SUMF1: variants seen among roughly 807,000 people sequenced by gnomAD.
The protein encoded by SUMF1 is sulfatase modifying factor 1, also known as formylglycine-generating enzyme.
Under a neutral mutation model 47.6 loss-of-function variants are expected in SUMF1, and 48 were observed. The ratio of observed to expected loss-of-function variants is 1.01; its 90% CI spans 0.80 to 1.28. The LOEUF (loss-of-function observed/expected upper bound fraction) is 1.28, where lower values mean the gene tolerates loss of function less well. Ranked by LOEUF, SUMF1 falls within the 50% of genes most tolerant of loss-of-function variation. The pLI is 0.00. For missense variants in SUMF1, 571 were observed against 485.4 expected, an observed-to-expected ratio of 1.18 and a Z score of -1.66; for synonymous variants, 230 against 192.1, an observed-to-expected ratio of 1.20 and a Z score of -1.63.
At position 4,277,685 on chromosome 3, in the gene SUMF1, A is replaced by G. The variant is rs1697447166; in HGVS notation, c.1014+98645T>C. Among the ~76,000 whole-genome samples the G allele has an allele frequency of 2.0e-5, 3 of 152,242 alleles. No individual in the cohort carries two copies. The South Asian group carries it at 6.2e-4, about 32-fold the overall frequency. Reference sequence around the variant, plus strand: ...AAATGAGAATGACTTTATATGTTCCATTTCTGGATTACACTTTCTCAATCA... The same window carrying G: ...AAATGAGAATGACTTTATATGTTCCGTTTCTGGATTACACTTTCTCAATCA... On this transcript the variant is annotated intron_variant and NMD_transcript_variant, in intron 8 of 12. Coordinates refer to the SUMF1 transcript ENST00000448413.
At chr3:4,201,666 A>G (rs1695542627) in intron 8 of SUMF1, among the ~76,000 whole-genome samples, 1 of 152,088 alleles carries the variant, frequency 6.6e-6, no homozygotes, top group South Asian at 2.1e-4. Flanking sequence ...CCTAGGAGCA[A>G]TACTGCTGGA....
chr3:4,176,276 G>C (rs576531141), intron 8 of SUMF1, among the ~76,000 whole-genome samples: 1 of 152,066 alleles, frequency 6.6e-6, no homozygotes, highest in Non-Finnish European at 1.5e-5. Context: ...AAGTATTAAG[G>C]GCAGCCAGAG....
chr3:4,183,084 C>G (rs1459047243), intron 8 of SUMF1, among the ~76,000 whole-genome samples: 1 of 152,174 alleles, frequency 6.6e-6, no homozygotes, highest in Non-Finnish European at 1.5e-5. Context: ...CTTGTCTGAA[C>G]TGCCTTGGAT....
chr3:4,344,496 C>A lies in SUMF1; in HGVS notation c.1014+31834G>T, dbSNP rs575352316. ...CAGAAAGTGACAACAACAGCATCAA[C>A]AACAACAAGGCCCCCACAAAAGCCC... On this transcript the variant is annotated intron_variant and NMD_transcript_variant, in intron 8 of 12. Coordinates refer to the SUMF1 transcript ENST00000448413. Among the ~76,000 whole-genome samples the A allele has an allele frequency of 4.6e-5, 7 of 151,932 alleles. No homozygotes were observed. The South Asian group carries it at 6.2e-4, about 13-fold the overall frequency.
intron 7 of SUMF1, among the ~76,000 whole-genome samples, chr3:4,392,591 A>ATG (rs1263878583): frequency 3.1e-5 from 3 of 97,996 alleles, no homozygotes; most frequent in Non-Finnish European, 6.8e-5. Context: ...GTTCAGATAT[A>ATG]TATGTGTGTG....
Position 4,226,946 on chromosome 3 carries a change from C to G in SUMF1, c.1014+149384G>C, listed in dbSNP as rs147664860. On this transcript the variant is annotated intron_variant and NMD_transcript_variant, in intron 8 of 12. Transcript: ENST00000448413. The stretch of plus-strand genomic sequence containing the variant: ...TAAAATCACTCTGGGGGCTAAAACA[C>G]AGATTTCTGGGTCCCATCCTCAGAG... Among the ~76,000 whole-genome samples, 4 of 152,194 alleles carry G rather than the reference C, an allele frequency of 2.6e-5. No individual in the cohort carries two copies. The East Asian group carries it at 5.8e-4, about 22-fold the overall frequency.
At chr3:4,149,246 A>G (rs369582224) in intron 8 of SUMF1, among the ~76,000 whole-genome samples, 5 of 152,146 alleles carry the variant, frequency 3.3e-5, no homozygotes, top group African/African-American at 9.7e-5. Flanking sequence ...ATTAACAGCA[A>G]TCATGTCCAG....
intron 9 of SUMF1, among the ~76,000 whole-genome samples, chr3:4,053,446 T>C (rs1559429960): frequency 6.6e-6 from 1 of 152,192 alleles, no homozygotes; most frequent in South Asian, 2.1e-4. Context: ...GTTGGATAAA[T>C]GGCACCAATA....
chr3:4,263,305 G>C (rs1025223668), intron 8 of SUMF1, among the ~76,000 whole-genome samples: 24 of 152,206 alleles, frequency 1.6e-4, no homozygotes, highest in African/African-American at 5.8e-4. Flanking sequence ...AATGATTTCT[G>C]CTTCATGAAA....
chr3:4,146,870 C>T (rs1694206127), intron 8 of SUMF1, among the ~76,000 whole-genome samples: 1 of 152,100 alleles, frequency 6.6e-6, no homozygotes. Flanking sequence ...ATGAACTCAT[C>T]ATTTTTTATG....
At chr3:4,289,897 T>A (rs527568429) in intron 8 of SUMF1, among the ~76,000 whole-genome samples, 1 of 152,340 alleles carries the variant, frequency 6.6e-6, no homozygotes, top group South Asian at 2.1e-4. Flanking sequence ...TAGCATCAAA[T>A]AAATTGTGTT....
intron 3 of SUMF1, among the ~76,000 whole-genome samples, chr3:4,440,521 G>C (rs1199625606): frequency 1.3e-5 from 2 of 152,180 alleles, no homozygotes; most frequent in African/African-American, 4.8e-5. Flanking sequence ...CTAGTTTAGA[G>C]TTGTCGTGCA....
chr3:4,117,355 A>C (rs1693444290), intron 8 of SUMF1, among the ~76,000 whole-genome samples: 1 of 152,132 alleles, frequency 6.6e-6, no homozygotes, highest in Non-Finnish European at 1.5e-5. Context: ...AAAGGAAAAA[A>C]AAATCTCATG....
At chr3:4,243,247 T>C (rs1461323634) in intron 8 of SUMF1, among the ~76,000 whole-genome samples, 1 of 152,218 alleles carries the variant, frequency 6.6e-6, no homozygotes, top group Non-Finnish European at 1.5e-5. Context: ...AAAGGTTTTT[T>C]GGGTCTCTAC....
At chr3:4,220,683 T>C (rs1452523799) in intron 8 of SUMF1, among the ~76,000 whole-genome samples, 3 of 152,140 alleles carry the variant, frequency 2.0e-5, no homozygotes, top group East Asian at 1.9e-4. Context: ...GCCTGAGTTC[T>C]AGTTCCAGTT....
At chr3:4,101,084 G>A (rs1474482913) in intron 8 of SUMF1, among the ~76,000 whole-genome samples, 6 of 151,834 alleles carry the variant, frequency 4.0e-5, no homozygotes, top group African/African-American at 1.5e-4. Flanking sequence ...ACAGTATGGG[G>A]GATCTTCATA....
chr3:4,296,306 T>A (rs368621775), intron 8 of SUMF1, among the ~76,000 whole-genome samples: 2 of 143,566 alleles, frequency 1.4e-5, no homozygotes, highest in Non-Finnish European at 1.5e-5. Context: ...GCAAAATAGT[T>A]AAAAAAAAAA....
chr3:4,343,091 T>C (rs1312205451), intron 8 of SUMF1, among the ~76,000 whole-genome samples: 1 of 152,196 alleles, frequency 6.6e-6, no homozygotes, highest in Non-Finnish European at 1.5e-5. Context: ...TTGAACAATT[T>C]CCCCTGCTTC....
At chr3:4,435,863 T>G (rs1193631921) in intron 3 of SUMF1, among the ~76,000 whole-genome samples, 1 of 152,174 alleles carries the variant, frequency 6.6e-6, no homozygotes, top group Non-Finnish European at 1.5e-5. Context: ...CTAAAAAAAG[T>G]ACTACAGGAA....
Sources: allele counts gnomAD v4.1 joint callset (sites outside exome capture counted in the v4.1 genomes callset), GRCh38; gene constraint gnomAD v4.1.1; transcripts MANE v1.5; gene names NCBI Gene and HGNC (gene_info 2026-07-23, HGNC 2026-07-21).